LMAN2: variants seen among roughly 807,000 people sequenced by gnomAD.
LMAN2 encodes the protein vesicular integral-membrane protein VIP36.
In LMAN2, 22 loss-of-function variants were observed where a neutral mutation model predicts 39.3. The observed-to-expected ratio is 0.56, with a 90% CI of 0.40 to 0.80. The LOEUF (loss-of-function observed/expected upper bound fraction) is 0.80, where lower values mean the gene tolerates loss of function less well. Among genes scored for constraint, LMAN2 ranks in the 30% least tolerant of loss-of-function variants. The pLI is 0.00. For missense variants in LMAN2, 494 were observed against 505.4 expected, an observed-to-expected ratio of 0.98 and a Z score of 0.22; for synonymous variants, 207 against 207.8, an observed-to-expected ratio of 1.00 and a Z score of 0.03.
chr5:177,351,338 A>C, intron 1 of LMAN2, 47 bp from the exon 2 acceptor site: 1 of 1,605,294 alleles, frequency 6.2e-7, no homozygotes, highest in Non-Finnish European at 8.5e-7. Context: ...GACTGGCCTC[A>C]CCAGAGGCAG....
chr5:177,341,224 G>T (rs962028414), intron 2 of LMAN2, among the ~76,000 whole-genome samples: 11 of 151,788 alleles, frequency 7.2e-5, no homozygotes, highest in African/African-American at 2.7e-4. Context: ...GCGCCACTAC[G>T]CCTGGCTAAT....
In LMAN2 at chr5:177,337,105, T is replaced by G; in HGVS notation, c.790+31A>C. On this transcript the variant is annotated intron_variant, in intron 6 of 7. Coordinates refer to ENST00000303127, the MANE Select transcript of LMAN2 (RefSeq NM_006816.3). This position sits in a 1 kb window ranked among gnomAD's most constrained non-coding sequence, Gnocchi z 8.2. ...CCCAGTCCCTCAGGGTGAGCTGGGC[T>G]GGGAACCAACGCCTGGCCCGGCCCA... 2 of 1,542,904 alleles carry G rather than the reference T, an allele frequency of 1.3e-6. No homozygotes were observed. Among genetic ancestry groups the G allele is most frequent in the Non-Finnish European group, 1.8e-6 (2 of 1,120,156 alleles).
Position 177,351,517 on chromosome 5 carries a change from G to T in LMAN2, c.131C>A (p.Ala44Glu). The change falls in exon 1 of 8, where the codon GCG (alanine) becomes GAG (glutamate). Residue 44 changes from alanine to glutamate, a missense_variant. Transcript: ENST00000303127. ...TTCACTGTTGCCGTCAGTTATATCC[G>T]CAGTCACAGACCCCAACAACAAAAG... ...FLLLLLGSVT[A>E]DITDGNSEHL... The T allele has an allele frequency of 6.2e-7, 1 of 1,614,256 alleles. No homozygotes were observed. The highest frequency in any genetic ancestry group is 1.6e-4 in the Middle Eastern group (1 of 6,062).
chr5:177,338,615 G>A lies in LMAN2; in HGVS notation c.316-10C>T, dbSNP rs749555834. 6.8e-6 allele frequency: 11 copies of A among 1,612,178 alleles called. No individual in the cohort carries two copies. The highest frequency in any genetic ancestry group is 9.3e-6 in the Non-Finnish European group (11 of 1,178,264). On this transcript the variant is annotated splice_polypyrimidine_tract_variant and intron_variant, in intron 2 of 7. Coordinates refer to ENST00000303127, the MANE Select transcript of LMAN2 (RefSeq NM_006816.3). ...CTTTGAGGAAGCACGGCTGGAGGGA[G>A]AGCAGAATGGGCTGCTCAGAGCTCC...
intron 2 of LMAN2, among the ~76,000 whole-genome samples, chr5:177,341,899 G>T (rs1482963755): frequency 6.6e-6 from 1 of 152,166 alleles, no homozygotes; most frequent in Non-Finnish European, 1.5e-5. Flanking sequence ...CAACATGAAT[G>T]CCTGCTTTAA....
At chr5:177,341,058 T>C (rs1219567990) in intron 2 of LMAN2, among the ~76,000 whole-genome samples, 2 of 126,796 alleles carry the variant, frequency 1.6e-5, no homozygotes, top group African/African-American at 3.6e-5. Flanking sequence ...CCCAGCCTTT[T>C]TTTTTCTTTT....
intron 2 of LMAN2, among the ~76,000 whole-genome samples, chr5:177,345,744 T>C (rs987363686): frequency 1.5e-4 from 21 of 143,368 alleles, no homozygotes; most frequent in African/African-American, 3.1e-4. Flanking sequence ...TGCATTTATT[T>C]ATTTATTTAT....
rs984106045 is a variant in LMAN2, at chr5:177,331,656, A to G, written c.*430T>C. The stretch of plus-strand genomic sequence containing the variant: ...CACTTGAGCATCTGTCTCAGGAAGC[A>G]GCTCAGGGTGAACAGGAAGGCCTGG... On this transcript the variant is annotated 3_prime_UTR_variant, in exon 8 of 8. Coordinates refer to ENST00000303127, the MANE Select transcript of LMAN2 (RefSeq NM_006816.3). 3 of 156,230 alleles carry G rather than the reference A, an allele frequency of 1.9e-5. No homozygotes were observed. Among genetic ancestry groups the G allele is most frequent in the African/African-American group, 7.2e-5 (3 of 41,562 alleles). 9.7% of individuals were successfully genotyped at this position (156,230 alleles called of 1,614,324 possible). A position where few individuals can be genotyped will look rare whatever the true frequency, so the allele number is the denominator to read the frequency against.
intron 2 of LMAN2, among the ~76,000 whole-genome samples, chr5:177,345,565 G>A (rs906161108): frequency 4.6e-5 from 7 of 151,868 alleles, no homozygotes; most frequent in Non-Finnish European, 8.8e-5. Flanking sequence ...TAAAAGGACA[G>A]GAAAAATGTA....
rs776938528 is a variant in LMAN2 at position 177,349,216 on chromosome 5, C to G, written c.315+1957G>C. Among the ~76,000 whole-genome samples the G allele has an allele frequency of 4.6e-5, 7 of 152,288 alleles. No homozygotes were observed. The South Asian group carries it at 1.2e-3, about 27-fold the overall frequency. ...AGCCACTCCTTCATCTAGACCACCC[C>G]CCCTGCACCACAGCAGGAGCTATTT... is the stretch of plus-strand genomic sequence containing the variant. On this transcript the variant is annotated intron_variant, in intron 2 of 7. Transcript: ENST00000303127.
In LMAN2 at chr5:177,337,098, G is replaced by T; in HGVS notation, c.790+38C>A. The T allele has an allele frequency of 6.7e-7, 1 of 1,495,028 alleles. No homozygotes were observed. The highest frequency in any genetic ancestry group is 9.3e-7 in the Non-Finnish European group (1 of 1,078,020). The allele number at this position is 1,495,028 out of a possible 1,614,324, so 92.6% of individuals were successfully genotyped here. ...GAAAGCTCCCAGTCCCTCAGGGTGA[G>T]CTGGGCTGGGAACCAACGCCTGGCC... On this transcript the variant is annotated intron_variant, in intron 6 of 7. Coordinates refer to ENST00000303127, the MANE Select transcript of LMAN2 (RefSeq NM_006816.3). This position sits in a 1 kb window ranked among gnomAD's most constrained non-coding sequence, Gnocchi z 8.2.
intron 2 of LMAN2, among the ~76,000 whole-genome samples, chr5:177,343,551 G>A (rs930082232): frequency 2.0e-5 from 3 of 149,978 alleles, no homozygotes; most frequent in South Asian, 2.1e-4. Flanking sequence ...ATGAATACAC[G>A]GAATGTGGTC....
Position 177,337,870 on chromosome 5 carries a change from G to A in LMAN2, c.434-85C>T. 8.2e-7 allele frequency: 1 copy of A among 1,226,044 alleles called. No individual in the cohort carries two copies. Among genetic ancestry groups the A allele is most frequent in the Non-Finnish European group, 1.2e-6 (1 of 847,128 alleles). 75.9% of individuals were successfully genotyped at this position (1,226,044 alleles called of 1,614,324 possible). ...TAAAAGGCAAGCAATGCCAACATGG[G>A]TGGGGGCAAGAGAGCCCAACCCACT... On this transcript the variant is annotated intron_variant, in intron 3 of 7. Transcript: ENST00000303127. The surrounding 1 kb of genome is among the most constrained non-coding windows in gnomAD (Gnocchi z 8.2).
At chr5:177,333,750 T>C (rs1032508795) in intron 7 of LMAN2, among the ~76,000 whole-genome samples, 2 of 152,252 alleles carry the variant, frequency 1.3e-5, no homozygotes, top group African/African-American at 4.8e-5. Context: ...AGCTAATTAG[T>C]GCCATGGGAA....
At chr5:177,349,731 A>C (rs1020690121) in intron 2 of LMAN2, among the ~76,000 whole-genome samples, 1 of 152,208 alleles carries the variant, frequency 6.6e-6, no homozygotes, top group Non-Finnish European at 1.5e-5. Flanking sequence ...TACTGAACTC[A>C]TTTCCATGAA....
chr5:177,341,357 C>T (rs879357159), intron 2 of LMAN2, among the ~76,000 whole-genome samples: 2 of 151,970 alleles, frequency 1.3e-5, no homozygotes, highest in African/African-American at 2.4e-5. Flanking sequence ...TGAGCCACCG[C>T]GCCCGGCCAT....
chr5:177,349,709 A>G (rs1249614656), intron 2 of LMAN2, among the ~76,000 whole-genome samples: 1 of 152,244 alleles, frequency 6.6e-6, no homozygotes, highest in Non-Finnish European at 1.5e-5. Context: ...TCAAAAAATA[A>G]TAATAATGCT....
At chr5:177,350,015 A>G (rs1190430092) in intron 2 of LMAN2, among the ~76,000 whole-genome samples, 1 of 152,214 alleles carries the variant, frequency 6.6e-6, no homozygotes, top group Non-Finnish European at 1.5e-5. Context: ...ATGACTGGAG[A>G]TGCACAAGGG....
chr5:177,340,781 G>T (rs1173628151), intron 2 of LMAN2, among the ~76,000 whole-genome samples: 1 of 149,602 alleles, frequency 6.7e-6, no homozygotes, highest in African/African-American at 2.4e-5. Context: ...AAAAAAATCA[G>T]ACTCACTCTG....
Sources: gnomAD v4.1 joint callset for allele counts (sites outside exome capture counted in the v4.1 genomes callset) on GRCh38, gnomAD v4.1.1 for gene constraint, Gnocchi (gnomAD v3.1) non-coding constraint, MANE v1.5 for transcripts, NCBI Gene and HGNC (gene_info 2026-07-23, HGNC 2026-07-21) for gene names.